TDRD9: variants seen among roughly 807,000 people sequenced by gnomAD.
TDRD9 encodes tudor domain containing 9, also known as ATP-dependent RNA helicase TDRD9.
TDRD9 carries 124 observed loss-of-function variants against 172.6 expected under a neutral mutation model. That is an observed-to-expected ratio of 0.72 (90% confidence interval 0.62 to 0.83). The LOEUF is 0.83. Among genes scored for constraint, TDRD9 ranks in the 40% least tolerant of loss-of-function variants. TDRD9 has a pLI of 0.00. For synonymous variants in TDRD9, 619 were observed against 617.1 expected (o/e 1.00, Z -0.05); for missense variants, 1,479 against 1,714.1 (o/e 0.86, Z 2.42).
chr14:103,952,035 TG>T (rs1317948490), intron 1 of TDRD9, among the ~76,000 whole-genome samples: 1 of 150,834 alleles, frequency 6.6e-6, no homozygotes, highest in Non-Finnish European at 1.5e-5. Context: ...CCCAAAGTGC[TG>T]GGATTACCGG....
At chr14:103,940,739 A>T in intron 1 of TDRD9, 4 of 1,090,806 alleles carry the variant, frequency 3.7e-6, no homozygotes, top group Non-Finnish European at 5.2e-6. Flanking sequence ...AAGTCACATC[A>T]CTTTTTCTTA....
At chr14:104,002,425 G>A (rs140202848) in intron 13 of TDRD9, among the ~76,000 whole-genome samples, 1 of 152,028 alleles carries the variant, frequency 6.6e-6, no homozygotes, top group Non-Finnish European at 1.5e-5. Flanking sequence ...GAGGTTTAGA[G>A]AGACTCTGGT....
In TDRD9 at chr14:103,940,802, T is replaced by C. The variant is rs917046897; in HGVS notation, c.215+12078T>C. 28 of 1,525,166 alleles carry C rather than the reference T, an allele frequency of 1.8e-5. No individual in the cohort carries two copies. The African/African-American group carries it at 3.7e-4, about 20-fold the overall frequency. The allele number at this position is 1,525,166 out of a possible 1,614,324, so 94.5% of individuals were successfully genotyped here. A position where few individuals can be genotyped will look rare whatever the true frequency, so the allele number is the denominator to read the frequency against. On this transcript the variant is annotated intron_variant, in intron 1 of 35. Coordinates refer to ENST00000409874, the MANE Select transcript of TDRD9 (RefSeq NM_153046.3). ...TCATAAAAACCCCTCTAGTTGTAAG[T>C]AACTTAACTAGATGGGTGATAATAT... is the stretch of plus-strand genomic sequence containing the variant.
chr14:104,025,504 T>G, intron 25 of TDRD9, 60 bp from the exon 26 acceptor site: 1 of 1,386,642 alleles, frequency 7.2e-7, no homozygotes, highest in Non-Finnish European at 1.0e-6. Context: ...TTCAAGCTCA[T>G]TTTCCTCCTT....
intron 12 of TDRD9, among the ~76,000 whole-genome samples, chr14:103,998,169 C>T (rs2034123639): frequency 7.5e-6 from 1 of 133,518 alleles, no homozygotes; most frequent in South Asian, 3.0e-4. Context: ...TCTACCCACC[C>T]ACCCACCCAC....
At chr14:103,989,247 A>G (rs2033784440) in intron 8 of TDRD9, among the ~76,000 whole-genome samples, 1 of 152,110 alleles carries the variant, frequency 6.6e-6, no homozygotes, top group East Asian at 1.9e-4. Context: ...TTTTCTTTGC[A>G]TGTGGCATGT....
At chr14:104,035,803 C>T (rs1030370871) in intron 32 of TDRD9, among the ~76,000 whole-genome samples, 7 of 151,962 alleles carry the variant, frequency 4.6e-5, no homozygotes, top group East Asian at 1.9e-4. Flanking sequence ...CTTCAAGAGT[C>T]GGGGGCATGG....
chr14:103,939,724 A>G (rs1396215309), intron 1 of TDRD9: 1 of 27,968 alleles, frequency 3.6e-5, no homozygotes, highest in Non-Finnish European at 6.9e-5. Flanking sequence ...ATTTAGTTCT[A>G]GTCTTTTTGA....
chr14:103,971,184 C>T (rs563836642), intron 6 of TDRD9, among the ~76,000 whole-genome samples: 21 of 151,258 alleles, frequency 1.4e-4, no homozygotes, highest in East Asian at 5.9e-4. Flanking sequence ...GGGGTTTCAT[C>T]GTGTTAGCCA....
At chr14:103,962,609 A>G (rs1285114406) in intron 2 of TDRD9, among the ~76,000 whole-genome samples, 1 of 152,190 alleles carries the variant, frequency 6.6e-6, no homozygotes, top group Non-Finnish European at 1.5e-5. Context: ...AGTACCCAGT[A>G]GGAAGTTTTT....
At chr14:103,990,791 C>T (rs531449384) in intron 8 of TDRD9, among the ~76,000 whole-genome samples, 1 of 152,330 alleles carries the variant, frequency 6.6e-6, no homozygotes, top group South Asian at 2.1e-4. Flanking sequence ...AGATTTTGGT[C>T]TGTACAAATC....
chr14:103,993,198 C>T (rs900155409), intron 9 of TDRD9, among the ~76,000 whole-genome samples: 3 of 151,752 alleles, frequency 2.0e-5, no homozygotes, highest in Non-Finnish European at 2.9e-5. Context: ...AGGCTAGTCT[C>T]GAACTGCTAG....
chr14:103,962,723 C>G (rs1210622124), intron 2 of TDRD9, among the ~76,000 whole-genome samples: 1 of 152,080 alleles, frequency 6.6e-6, no homozygotes, highest in African/African-American at 2.4e-5. Context: ...GTTGTGAGAA[C>G]ATTTAATATT....
At chr14:103,979,369 T>G (rs2033379270) in intron 7 of TDRD9, among the ~76,000 whole-genome samples, 1 of 152,220 alleles carries the variant, frequency 6.6e-6, no homozygotes, top group African/African-American at 2.4e-5. Context: ...TCTGGGTAAT[T>G]TATAAAAGAA....
At chr14:103,962,268 A>G (rs922044681) in intron 2 of TDRD9, among the ~76,000 whole-genome samples, 9 of 151,826 alleles carry the variant, frequency 5.9e-5, no homozygotes, top group Non-Finnish European at 1.5e-5. Flanking sequence ...CAGGGAATGC[A>G]CACTTAAATT....
At chr14:104,008,071 G>T (rs993595304) in intron 19 of TDRD9, among the ~76,000 whole-genome samples, 1 of 152,130 alleles carries the variant, frequency 6.6e-6, no homozygotes, top group Non-Finnish European at 1.5e-5. Context: ...GAACCACCGC[G>T]CCTGGCTTAA....
chr14:103,960,786 T>C (rs1464978763), intron 2 of TDRD9, among the ~76,000 whole-genome samples: 3 of 152,228 alleles, frequency 2.0e-5, no homozygotes, highest in Non-Finnish European at 4.4e-5. Flanking sequence ...TTTTTTCTTG[T>C]AAAATTTCTG....
intron 1 of TDRD9, among the ~76,000 whole-genome samples, chr14:103,951,329 G>A (rs2031860096): frequency 6.6e-6 from 1 of 152,198 alleles, no homozygotes; most frequent in Non-Finnish European, 1.5e-5. Flanking sequence ...TAAACTTACT[G>A]TTGTTAGATT....
chr14:103,963,643 A>G (rs2032610271), intron 3 of TDRD9, among the ~76,000 whole-genome samples: 2 of 152,222 alleles, frequency 1.3e-5, no homozygotes, highest in South Asian at 4.1e-4. Flanking sequence ...TGTATTAACA[A>G]TGCCAGGCAG....
Sources: gnomAD v4.1 joint callset for allele counts (sites outside exome capture counted in the v4.1 genomes callset) on GRCh38, gnomAD v4.1.1 for gene constraint, MANE v1.5 for transcripts, NCBI Gene and HGNC (gene_info 2026-07-23, HGNC 2026-07-21) for gene names.